Variants in UNC13C observed in about 807,000 individuals in gnomAD.
UNC13C encodes unc-13 homolog C.
A neutral mutation model predicts 245.4 loss-of-function variants in UNC13C; 174 were observed. That is an observed-to-expected ratio of 0.71 (90% confidence interval 0.63 to 0.80). UNC13C has a LOEUF of 0.80. Among genes scored for constraint, UNC13C ranks in the 30% least tolerant of loss-of-function variants. UNC13C has a pLI of 0.00. For synonymous variants in UNC13C, 992 were observed against 895.1 expected, an observed-to-expected ratio of 1.11 and a Z score of -1.93; for missense variants, 2,829 against 2,602.9, an observed-to-expected ratio of 1.09 and a Z score of -1.89.
the UNC13C span, among the ~76,000 whole-genome samples, chr15:53,931,462 CT>C: frequency 6.6e-6 from 1 of 152,134 alleles, no homozygotes; most frequent in Non-Finnish European, 1.5e-5. Context: ...AGCCATTGCG[CT>C]TGGCCTTTTT....
chr15:54,073,673 A>G (rs527627497), intron 2 of UNC13C, among the ~76,000 whole-genome samples: 2 of 152,122 alleles, frequency 1.3e-5, no homozygotes, highest in East Asian at 3.9e-4. Flanking sequence ...GGCTGCATAA[A>G]TGTCTTCTTT....
chr15:54,297,697 C>G (rs1213882914), intron 11 of UNC13C, 114 bp from the exon 12 acceptor site: 1 of 734,660 alleles, frequency 1.4e-6, no homozygotes, highest in African/African-American at 1.8e-5. Flanking sequence ...AGAAAAATAG[C>G]TTTTAGCTAC....
chr15:53,990,588 C>G (rs186847669), intron 1 of UNC13C, among the ~76,000 whole-genome samples: 1 of 151,808 alleles, frequency 6.6e-6, no homozygotes, highest in African/African-American at 2.4e-5. Flanking sequence ...TATCTCAAAC[C>G]CCCTTCCAAA....
intron 17 of UNC13C, among the ~76,000 whole-genome samples, chr15:54,363,892 G>T (rs960892697): frequency 6.6e-6 from 1 of 152,148 alleles, no homozygotes; most frequent in African/African-American, 2.4e-5. Flanking sequence ...AGCAATTATA[G>T]ATATTTGTTA....
At chr15:54,190,806 A>T (rs2034157312) in intron 4 of UNC13C, among the ~76,000 whole-genome samples, 1 of 151,882 alleles carries the variant, frequency 6.6e-6, no homozygotes, top group Non-Finnish European at 1.5e-5. Context: ...AACCATTTAC[A>T]CTTATTGATA....
intron 30 of UNC13C, among the ~76,000 whole-genome samples, chr15:54,580,891 C>A (rs1301572882): frequency 2.0e-5 from 3 of 152,204 alleles, no homozygotes; most frequent in Non-Finnish European, 4.4e-5. Context: ...GAATGATTCA[C>A]ACCTGCAGTT....
At chr15:54,437,972 TCTA>T (rs745518211) in intron 19 of UNC13C, among the ~76,000 whole-genome samples, 2 of 151,958 alleles carry the variant, frequency 1.3e-5, no homozygotes, top group East Asian at 3.9e-4. Context: ...TCTTTGACTA[TCTA>T]AAACTCTTAC....
intron 26 of UNC13C, among the ~76,000 whole-genome samples, chr15:54,536,290 GA>G (rs1337759999): frequency 6.6e-6 from 1 of 151,962 alleles, no homozygotes; most frequent in Non-Finnish European, 1.5e-5. Context: ...GGAAGAAATT[GA>G]AACCCTGAAC....
chr15:54,525,412 C>CAAA (rs75531604), intron 24 of UNC13C, 137 bp from the exon 25 acceptor site: 32 of 395,264 alleles, frequency 8.1e-5, no homozygotes, highest in East Asian at 1.2e-4. Flanking sequence ...TTTCAAAGAC[C>CAAA]AAAAAAAAAA....
the UNC13C span, among the ~76,000 whole-genome samples, chr15:53,938,023 A>C: frequency 6.6e-6 from 1 of 152,226 alleles, no homozygotes; most frequent in African/African-American, 2.4e-5. Context: ...GATCAAATTC[A>C]CATGTAACAA....
rs138740937 is a variant in UNC13C, at chr15:54,237,310, G to A, written c.3157-309G>A. ...CTTGAGGAATAAGAAAGTTTGAGAA[G>A]CCTCTTGCTAGCCTGAGGTGGTTGA... On this transcript the variant is annotated intron_variant, in intron 6 of 32. Transcript: ENST00000260323. Among the ~76,000 whole-genome samples, 1,134 of 152,242 alleles carry A rather than the reference G, an allele frequency of 7.4e-3. 18 individuals carry two copies. Among genetic ancestry groups the A allele is most frequent in the African/African-American group, 0.027 (1,104 of 41,542 alleles).
intron 6 of UNC13C, 167 bp from the exon 7 acceptor site, chr15:54,237,452 A>G (rs1197128517): frequency 7.1e-6 from 5 of 704,566 alleles, no homozygotes; most frequent in Middle Eastern, 2.3e-4. Flanking sequence ...TTAATATTGT[A>G]TAAGTCCATA....
chr15:54,215,710 G>A (rs1320034188), intron 4 of UNC13C, among the ~76,000 whole-genome samples: 2 of 151,900 alleles, frequency 1.3e-5, no homozygotes, highest in Non-Finnish European at 2.9e-5. Flanking sequence ...GAGGGATTGA[G>A]AAAAATAGTG....
chr15:54,249,192 A>G (rs562616953), intron 7 of UNC13C, among the ~76,000 whole-genome samples: 5 of 150,134 alleles, frequency 3.3e-5, no homozygotes, highest in African/African-American at 9.8e-5. Context: ...CATTTAACCA[A>G]TTCTCTTTTC....
At chr15:54,024,328 G>C (rs993536850) in intron 2 of UNC13C, among the ~76,000 whole-genome samples, 1 of 152,186 alleles carries the variant, frequency 6.6e-6, no homozygotes, top group Non-Finnish European at 1.5e-5. Context: ...TGAGGTACTA[G>C]AGAGGTTATC....
chr15:54,395,933 G>A (rs1379091746), intron 18 of UNC13C, among the ~76,000 whole-genome samples: 1 of 151,558 alleles, frequency 6.6e-6, no homozygotes, highest in Non-Finnish European at 1.5e-5. Flanking sequence ...GAACTACAGT[G>A]TTTATTTGAG....
In UNC13C at chr15:54,624,089, A is replaced by G. The variant is rs16974994; in HGVS notation, c.6359+135A>G. 9.6e-3 allele frequency: 10,448 copies of G among 1,083,400 alleles called. 504 individuals are homozygous for G. The African/African-American group carries it at 0.11, about 11-fold the overall frequency. The allele number at this position is 1,083,400 out of a possible 1,614,324, so 67.1% of individuals were successfully genotyped here. On this transcript the variant is annotated intron_variant, in intron 32 of 32. Transcript: ENST00000260323. ...TTTTTAGTTCCCTTCCATTCATTCAATATCTGTTCAGTGCCTGCCATGTAT... is the reference window on the plus strand; with the variant it reads ...TTTTTAGTTCCCTTCCATTCATTCAGTATCTGTTCAGTGCCTGCCATGTAT...
At chr15:54,227,409 C>T (rs1030655585) in intron 4 of UNC13C, among the ~76,000 whole-genome samples, 17 of 152,346 alleles carry the variant, frequency 1.1e-4, no homozygotes, top group African/African-American at 3.6e-4. Flanking sequence ...ATGGAGCCTG[C>T]CTGCTGCCAT....
the UNC13C span, among the ~76,000 whole-genome samples, chr15:53,908,060 T>A: frequency 1.4e-5 from 2 of 146,872 alleles, no homozygotes; most frequent in African/African-American, 4.9e-5. Context: ...AAAATTATCC[T>A]TTAGCTGTTG....
Sources: gnomAD v4.1 joint callset for allele counts (sites outside exome capture counted in the v4.1 genomes callset) on GRCh38, gnomAD v4.1.1 for gene constraint, MANE v1.5 for transcripts, NCBI Gene and HGNC (gene_info 2026-07-23, HGNC 2026-07-21) for gene names.